COL22A1: variants seen among roughly 807,000 people sequenced by gnomAD.
COL22A1 encodes collagen alpha-1(XXII) chain.
Under a neutral mutation model 248.9 loss-of-function variants are expected in COL22A1, and 221 were observed. That is an observed-to-expected ratio of 0.89 (90% confidence interval 0.80 to 0.99). The LOEUF (loss-of-function observed/expected upper bound fraction) is 0.99, where lower values mean the gene tolerates loss of function less well. Ranked by LOEUF, COL22A1 falls within the 50% of genes least tolerant of loss-of-function variation. COL22A1 has a pLI of 0.00. For synonymous variants in COL22A1, 891 were observed against 793.4 expected, an observed-to-expected ratio of 1.12 and a Z score of -2.07; for missense variants, 2,240 against 2,179.0, an observed-to-expected ratio of 1.03 and a Z score of -0.56.
chr8:138,702,018 T>C (rs1027527066), intron 31 of COL22A1, among the ~76,000 whole-genome samples: 14 of 152,252 alleles, frequency 9.2e-5, no homozygotes, highest in African/African-American at 3.1e-4. Context: ...TTTATTGTCA[T>C]AAGTGATACT....
At chr8:138,781,718 A>G (rs1815024178) in intron 12 of COL22A1, among the ~76,000 whole-genome samples, 1 of 152,080 alleles carries the variant, frequency 6.6e-6, no homozygotes, top group South Asian at 2.1e-4. Flanking sequence ...TAACTCCAGC[A>G]CCTCTAAGCT....
chr8:138,630,694 CAG>C lies in COL22A1; in HGVS notation c.3662_3663del (p.Pro1221ArgfsTer89). 6.2e-7 allele frequency: 1 copy of C among 1,613,546 alleles called. No individual in the cohort carries two copies. The highest frequency in any genetic ancestry group is 8.5e-7 in the Non-Finnish European group (1 of 1,179,520). On this transcript the variant is annotated frameshift_variant and splice_region_variant, in exon 50 of 65. Transcript: ENST00000303045. LOFTEE classifies it high-confidence loss of function. Reference protein sequence around the residue: ...AAGPPGIQGSPGKEGPPGPQG... With the variant: ...AAGPPGIQGSXGKEGPPGPQG... ...CAGATCCCATTCCTTGAGGAACTTA[CAG>C]GTGACCCTTGGATTCCTGGTGGTCC... is the stretch of plus-strand genomic sequence containing the variant.
chr8:138,763,925 G>A (rs1833715208), intron 16 of COL22A1, among the ~76,000 whole-genome samples: 1 of 152,182 alleles, frequency 6.6e-6, no homozygotes, highest in East Asian at 1.9e-4. Context: ...AGGACAGGAG[G>A]TGCGTTCACT....
intron 10 of COL22A1, among the ~76,000 whole-genome samples, chr8:138,805,502 T>A (rs971720500): frequency 7.9e-6 from 1 of 126,636 alleles, no homozygotes; most frequent in Non-Finnish European, 1.6e-5. Context: ...GGTGTGTGTG[T>A]GTGATGGTGT....
chr8:138,858,492 C>G (rs539129896), intron 3 of COL22A1, among the ~76,000 whole-genome samples: 1 of 152,110 alleles, frequency 6.6e-6, no homozygotes, highest in South Asian at 2.1e-4. Context: ...GTGATCCCCC[C>G]ACCCCAGCTT....
rs764676655 is a variant in COL22A1 at position 138,649,769 on chromosome 8, T to C, written c.3343A>G (p.Asn1115Asp). The change falls in exon 46 of 65, where the codon AAT becomes GAT. Residue 1115 changes from asparagine to aspartate, a missense_variant. Transcript: ENST00000303045. ...CCTGGGGGGCCAGGAGGGCAGTCAT[T>C]GCACACATCCTGAGAGTGGGGAGAG... ...DINLLAKDVCNDCPPGPPGLP... is the reference protein window; with the variant it reads ...DINLLAKDVCDDCPPGPPGLP... 4 of 1,591,934 alleles carry C rather than the reference T, an allele frequency of 2.5e-6. No individual in the cohort carries two copies. The highest frequency in any genetic ancestry group is 3.4e-6 in the Non-Finnish European group (4 of 1,170,232).
Position 138,681,408 on chromosome 8 carries a change from C to T in COL22A1, c.3013-1732G>A, listed in dbSNP as rs1035943960. ...CCCAAAGATATAGCTACAGAATAAA[C>T]AGGATAAAGGGGAAAAAAGGTCTCC... On this transcript the variant is annotated intron_variant, in intron 39 of 64. Transcript: ENST00000303045. 3.9e-5 allele frequency among the ~76,000 whole-genome samples: 6 copies of T among 152,048 alleles called. No homozygotes were observed. The East Asian group carries it at 1.2e-3, about 29-fold the overall frequency.
intron 1 of COL22A1, among the ~76,000 whole-genome samples, chr8:138,888,523 G>A (rs1824831875): frequency 6.6e-6 from 1 of 152,336 alleles, no homozygotes. Context: ...GCTCTCAGGA[G>A]AGGTATAATC....
intron 16 of COL22A1, among the ~76,000 whole-genome samples, chr8:138,770,264 G>A (rs1251757219): frequency 6.6e-6 from 1 of 152,212 alleles, no homozygotes; most frequent in African/African-American, 2.4e-5. Flanking sequence ...GGTGGAAACA[G>A]GGCCCTCAAC....
intron 22 of COL22A1, among the ~76,000 whole-genome samples, chr8:138,737,867 T>A (rs1362778893): frequency 6.6e-6 from 1 of 151,992 alleles, no homozygotes; most frequent in Non-Finnish European, 1.5e-5. Flanking sequence ...AAGAAAAGTC[T>A]CCTTTTAATC....
At chr8:138,683,128 C>G (rs1826083837) in intron 39 of COL22A1, among the ~76,000 whole-genome samples, 1 of 152,234 alleles carries the variant, frequency 6.6e-6, no homozygotes, top group African/African-American at 2.4e-5. Flanking sequence ...TAGCACTCAT[C>G]TGCTTTTCGT....
At chr8:138,666,868 T>C (rs1824547556) in intron 41 of COL22A1, among the ~76,000 whole-genome samples, 1 of 152,246 alleles carries the variant, frequency 6.6e-6, no homozygotes, top group East Asian at 1.9e-4. Context: ...TTAAAGGTCT[T>C]CATTTCAAAT....
At chr8:138,733,966 G>C (rs114929873) in intron 23 of COL22A1, among the ~76,000 whole-genome samples, 3 of 152,232 alleles carry the variant, frequency 2.0e-5, no homozygotes, top group Admixed American at 6.5e-5. Context: ...GTACTAGACC[G>C]TGAGAAACCA....
chr8:138,833,015 C>G (rs1336906737), intron 5 of COL22A1, 24 bp downstream of exon 5: 3 of 1,494,062 alleles, frequency 2.0e-6, no homozygotes, highest in Non-Finnish European at 2.8e-6. Context: ...CTGGGCAGGT[C>G]TGGAAAGAGA....
chr8:138,761,303 T>G (rs2131392071), intron 17 of COL22A1, among the ~76,000 whole-genome samples: 1 of 152,334 alleles, frequency 6.6e-6, no homozygotes, highest in East Asian at 1.9e-4. Context: ...GATGGATATT[T>G]TTAAGCAAGT....
chr8:138,811,691 A>G, intron 9 of COL22A1, 108 bp downstream of exon 9: 1 of 1,315,462 alleles, frequency 7.6e-7, no homozygotes, highest in Non-Finnish European at 1.1e-6. Context: ...GCTGACAGCC[A>G]TGGGCCTCCT....
chr8:138,784,880 A>G (rs1214131891), intron 12 of COL22A1, among the ~76,000 whole-genome samples: 1 of 152,200 alleles, frequency 6.6e-6, no homozygotes, highest in Non-Finnish European at 1.5e-5. Flanking sequence ...TACAGTGCTT[A>G]TAGAAGAGCC....
At chr8:138,858,923 G>A (rs1822241923) in intron 3 of COL22A1, among the ~76,000 whole-genome samples, 1 of 152,110 alleles carries the variant, frequency 6.6e-6, no homozygotes, top group Admixed American at 6.5e-5. Flanking sequence ...AGAGGTTGGA[G>A]GACAGAAGGT....
chr8:138,758,082 T>C lies in COL22A1; in HGVS notation c.1902+2161A>G, dbSNP rs1329244918. On this transcript the variant is annotated intron_variant, in intron 18 of 64. Coordinates refer to ENST00000303045, the MANE Select transcript of COL22A1 (RefSeq NM_152888.3). ...CAACCTTGAACCAGTCACTGCTCAC[T>C]TTTGGGGAGCAATTTCCCTTTCTGT... Among the ~76,000 whole-genome samples, 2 of 152,232 alleles carry C rather than the reference T, an allele frequency of 1.3e-5. 1 individual carries two copies. Among genetic ancestry groups the C allele is most frequent in the Non-Finnish European group, 2.9e-5 (2 of 68,036 alleles).
Sources: allele counts gnomAD v4.1 joint callset (sites outside exome capture counted in the v4.1 genomes callset), GRCh38; gene constraint gnomAD v4.1.1; transcripts MANE v1.5; gene names NCBI Gene and HGNC (gene_info 2026-07-23, HGNC 2026-07-21).